Variants in AOPEP observed in about 807,000 individuals in gnomAD.
The protein encoded by AOPEP is aminopeptidase O (putative).
In AOPEP, 77 loss-of-function variants were observed where a neutral mutation model predicts 98.1. The ratio of observed to expected loss-of-function variants is 0.78; its 90% CI spans 0.65 to 0.95. The LOEUF is 0.95. Ranked by LOEUF, AOPEP falls within the 40% of genes least tolerant of loss-of-function variation. The pLI is 0.00. For synonymous variants in AOPEP, 346 were observed against 365.3 expected (o/e 0.95, Z 0.60); for missense variants, 1,024 against 1,024.7 (o/e 1.00, Z 0.01).
intron 11 of AOPEP, among the ~76,000 whole-genome samples, chr9:94,989,803 G>T (rs568578298): frequency 2.0e-5 from 3 of 147,382 alleles, no homozygotes; most frequent in Admixed American, 6.8e-5. Flanking sequence ...TAGCGACAGG[G>T]TTTCACCATA....
At chr9:95,140,280 C>T in the AOPEP span, among the ~76,000 whole-genome samples, 148 of 152,158 alleles carry the variant, frequency 9.7e-4, no homozygotes, top group African/African-American at 3.3e-3. Flanking sequence ...CTGGACAGGA[C>T]GCTCTCCCCT....
At chr9:95,049,426 TA>T (rs1239792508) in intron 13 of AOPEP, among the ~76,000 whole-genome samples, 3 of 152,212 alleles carry the variant, frequency 2.0e-5, no homozygotes, top group Non-Finnish European at 4.4e-5. Context: ...AGCCTCTTTT[TA>T]AAAGATAAAT....
At chr9:94,733,025 A>G (rs1179678545) in intron 1 of AOPEP, among the ~76,000 whole-genome samples, 1 of 151,280 alleles carries the variant, frequency 6.6e-6, no homozygotes, top group African/African-American at 2.4e-5. Flanking sequence ...ATGGCATAAC[A>G]TCTTTTCTAA....
At chr9:94,837,053 C>G (rs1300294981) in intron 5 of AOPEP, among the ~76,000 whole-genome samples, 1 of 151,998 alleles carries the variant, frequency 6.6e-6, no homozygotes, top group Non-Finnish European at 1.5e-5. Context: ...CAAATAGGCT[C>G]AATTAGAAAT....
In AOPEP at chr9:94,955,904, C is replaced by G. The variant is rs374165876; in HGVS notation, c.1765-4C>G. ...TTTTTCTCTCTCTTTTTTCTTTCTT[C>G]TAGGGCTACTTCCTTCTTCGGTTTC... On this transcript the variant is annotated splice_polypyrimidine_tract_variant and splice_region_variant and intron_variant, in intron 8 of 16. Coordinates refer to ENST00000375315, the MANE Select transcript of AOPEP (RefSeq NM_001193329.3). 5 of 1,601,524 alleles carry G rather than the reference C, an allele frequency of 3.1e-6. No individual in the cohort carries two copies. Among genetic ancestry groups the G allele is most frequent in the Non-Finnish European group, 4.3e-6 (5 of 1,172,560 alleles).
chr9:95,102,763 A>G, the AOPEP span, among the ~76,000 whole-genome samples: 1 of 152,170 alleles, frequency 6.6e-6, no homozygotes, highest in East Asian at 1.9e-4. Context: ...CCTCCTGACC[A>G]CCACTAAAGG....
At chr9:94,962,255 C>T (rs1283868939) in intron 9 of AOPEP, among the ~76,000 whole-genome samples, 3 of 152,208 alleles carry the variant, frequency 2.0e-5, no homozygotes, top group Non-Finnish European at 4.4e-5. Flanking sequence ...AGAGAGTCAT[C>T]CTCAGTTGTT....
intron 5 of AOPEP, among the ~76,000 whole-genome samples, chr9:94,840,322 A>T (rs962801539): frequency 2.0e-5 from 3 of 152,204 alleles, no homozygotes; most frequent in African/African-American, 7.2e-5. Context: ...ATATTGAACC[A>T]GCTTTCCATT....
In AOPEP at chr9:95,060,782, C is replaced by T. The variant is rs774867745; in HGVS notation, c.2204C>T (p.Thr735Ile). Residue 735 changes from threonine to isoleucine, a missense_variant, in exon 14 of 17, where the codon ACA becomes ATA. Transcript: ENST00000375315. Reference sequence around the variant, plus strand: ...CGAACTCTGCAAAGCCTCCAGAGGACATACCACCTCCAGGATCAGGATGCA... The same window carrying T: ...CGAACTCTGCAAAGCCTCCAGAGGATATACCACCTCCAGGATCAGGATGCA... ...SPRTLQSLQR[T>I]YHLQDQDAEV... The T allele has an allele frequency of 1.2e-6, 2 of 1,612,768 alleles. No individual in the cohort carries two copies. Among genetic ancestry groups the T allele is most frequent in the South Asian group, 2.2e-5 (2 of 91,050 alleles).
intron 7 of AOPEP, among the ~76,000 whole-genome samples, chr9:94,943,022 A>G (rs1281116174): frequency 6.6e-6 from 1 of 152,192 alleles, no homozygotes; most frequent in Non-Finnish European, 1.5e-5. Context: ...AACAGAAAAA[A>G]TGTAGATGTA....
intron 5 of AOPEP, among the ~76,000 whole-genome samples, chr9:94,820,158 T>A (rs1225308536): frequency 6.6e-6 from 1 of 151,516 alleles, no homozygotes; most frequent in Non-Finnish European, 1.5e-5. Flanking sequence ...GTTGGCCAAG[T>A]TTGTCTCAAA....
intron 5 of AOPEP, among the ~76,000 whole-genome samples, chr9:94,914,719 T>C (rs2052562577): frequency 6.6e-6 from 1 of 152,222 alleles, no homozygotes; most frequent in Non-Finnish European, 1.5e-5. Flanking sequence ...AAGCTGATGC[T>C]GTGCAGCCAC....
chr9:95,106,127 G>A, the AOPEP span, among the ~76,000 whole-genome samples: 5 of 152,150 alleles, frequency 3.3e-5, no homozygotes, highest in Admixed American at 2.0e-4. Flanking sequence ...CCTCACGGGC[G>A]TTTCTTTTCT....
Position 94,838,820 on chromosome 9 carries a change from A to G in AOPEP, c.1364+37818A>G, listed in dbSNP as rs187470970. Reference sequence around the variant, plus strand: ...TCATCAGTGTTTTGTAATTTACAACATAGAGGTCCTGTATGTATTTTACCA... The same window carrying G: ...TCATCAGTGTTTTGTAATTTACAACGTAGAGGTCCTGTATGTATTTTACCA... On this transcript the variant is annotated intron_variant, in intron 5 of 16. Transcript: ENST00000375315. Among the ~76,000 whole-genome samples the G allele has an allele frequency of 7.9e-5, 12 of 152,044 alleles. No homozygotes were observed. In the East Asian group the frequency reaches 2.3e-3, roughly 29 times the overall value.
At chr9:95,107,408 G>A in the AOPEP span, 14 of 897,780 alleles carry the variant, frequency 1.6e-5, no homozygotes, top group South Asian at 5.7e-5. Flanking sequence ...GGCAGCGGCC[G>A]AATTTACACT....
intron 5 of AOPEP, among the ~76,000 whole-genome samples, chr9:94,825,552 G>A (rs1854320644): frequency 6.6e-6 from 1 of 152,260 alleles, no homozygotes; most frequent in South Asian, 2.1e-4. Flanking sequence ...CCTTCCAGGG[G>A]AGCGCCCTCC....
rs547365162 is a variant in AOPEP, at chr9:94,937,942, G to A, written c.1661+9411G>A. Among the ~76,000 whole-genome samples, 6 of 152,086 alleles carry A rather than the reference G, an allele frequency of 3.9e-5. No individual in the cohort carries two copies. In the East Asian group the frequency reaches 5.8e-4, roughly 15 times the overall value. ...GGCTGGAGTGCAGTGGCGTGGTCTC[G>A]GCTCACTGCAACCTCCACCTCCCTG... is the stretch of plus-strand genomic sequence containing the variant. On this transcript the variant is annotated intron_variant, in intron 7 of 16. Coordinates refer to ENST00000375315, the MANE Select transcript of AOPEP (RefSeq NM_001193329.3).
chr9:94,990,129 A>C (rs1245740833), intron 11 of AOPEP, among the ~76,000 whole-genome samples: 1 of 152,174 alleles, frequency 6.6e-6, no homozygotes, highest in Non-Finnish European at 1.5e-5. Context: ...TGTGTTTGCC[A>C]TGTTCCGCTG....
chr9:95,134,387 A>G, the AOPEP span, among the ~76,000 whole-genome samples: 11 of 152,156 alleles, frequency 7.2e-5, no homozygotes, highest in Non-Finnish European at 1.6e-4. Context: ...GTCTCAGCTC[A>G]AGGGCGAGGG....
Sources: gnomAD v4.1 joint callset for allele counts (sites outside exome capture counted in the v4.1 genomes callset) on GRCh38, gnomAD v4.1.1 for gene constraint, MANE v1.5 for transcripts, NCBI Gene and HGNC (gene_info 2026-07-23, HGNC 2026-07-21) for gene names.